The following LRP1B variants were observed in gnomAD, a reference collection of about 807,000 sequenced individuals.
LRP1B encodes low-density lipoprotein receptor-related protein 1B.
LRP1B carries 217 observed loss-of-function variants against 556.6 expected under a neutral mutation model. That is an observed-to-expected ratio of 0.39 (90% CI 0.35 to 0.44). The LOEUF is 0.44. Ranked by LOEUF, LRP1B falls within the 20% of genes least tolerant of loss-of-function variation. The pLI is 1.00. For missense variants in LRP1B, 5,053 were observed against 5,620.8 expected (o/e 0.90, Z 3.23); for synonymous variants, 2,047 against 1,865.8 (o/e 1.10, Z -2.50).
intron 59 of LRP1B, among the ~76,000 whole-genome samples, chr2:140,481,019 A>G (rs1014277764): frequency 6.6e-6 from 1 of 151,980 alleles, no homozygotes; most frequent in African/African-American, 2.4e-5. Flanking sequence ...GGCCTGTGTC[A>G]ACAGGCCTGG....
chr2:140,252,919 A>G (rs1187683738), intron 86 of LRP1B, among the ~76,000 whole-genome samples: 1 of 152,092 alleles, frequency 6.6e-6, no homozygotes, highest in Non-Finnish European at 1.5e-5. Flanking sequence ...AATTCATACA[A>G]TTTTGAACGT....
chr2:141,302,022 T>C (rs1474964183), intron 3 of LRP1B, among the ~76,000 whole-genome samples: 1 of 152,056 alleles, frequency 6.6e-6, no homozygotes. Context: ...AACAAAAAAT[T>C]ATATATACAT....
chr2:140,325,656 T>G (rs1212396130), intron 80 of LRP1B, 106 bp downstream of exon 80: 2 of 720,812 alleles, frequency 2.8e-6, no homozygotes, highest in Non-Finnish European at 4.4e-6. Context: ...AGAAAGAATT[T>G]AAGAAAATCC....
At chr2:140,626,507 G>C (rs1180240761) in intron 41 of LRP1B, among the ~76,000 whole-genome samples, 1 of 151,938 alleles carries the variant, frequency 6.6e-6, no homozygotes, top group East Asian at 1.9e-4. Context: ...ACTCAATTTT[G>C]CTGTGAACAT....
At chr2:141,284,887 T>A (rs1431359278) in intron 3 of LRP1B, among the ~76,000 whole-genome samples, 5 of 152,182 alleles carry the variant, frequency 3.3e-5, no homozygotes, top group African/African-American at 1.2e-4. Flanking sequence ...AATCAAGCAG[T>A]GTAAAATTAT....
rs770734703 is a variant in LRP1B, at chr2:141,254,675, T to C, written c.344-34A>G. On this transcript the variant is annotated intron_variant, in intron 3 of 90. Transcript: ENST00000389484. ...AAAAAACAAATATATTCTCTATATTTAACTGTATATGTAAATAGTTTGTAT... is the reference window on the plus strand; with the variant it reads ...AAAAAACAAATATATTCTCTATATTCAACTGTATATGTAAATAGTTTGTAT... 2.0e-6 allele frequency: 3 copies of C among 1,487,880 alleles called. No individual in the cohort carries two copies. In the East Asian group the frequency reaches 7.2e-5, roughly 35 times the overall value. The allele number at this position is 1,487,880 out of a possible 1,614,324, so 92.2% of individuals were successfully genotyped here.
At chr2:141,650,314 G>T (rs1170650570) in intron 2 of LRP1B, among the ~76,000 whole-genome samples, 1 of 152,180 alleles carries the variant, frequency 6.6e-6, no homozygotes, top group African/African-American at 2.4e-5. Context: ...CTACTTCTTT[G>T]TGAGTATGGT....
intron 1 of LRP1B, among the ~76,000 whole-genome samples, chr2:141,875,245 A>G (rs916171987): frequency 6.6e-6 from 1 of 151,746 alleles, no homozygotes; most frequent in Non-Finnish European, 1.5e-5. Flanking sequence ...CCTGGGCTGA[A>G]GTGATTCTCC....
intron 1 of LRP1B, among the ~76,000 whole-genome samples, chr2:142,026,710 A>G (rs1164414046): frequency 6.6e-6 from 1 of 152,072 alleles, no homozygotes. Context: ...GAACTTCGCT[A>G]TCTATGAATG....
chr2:141,176,923 C>T (rs1680762534), intron 7 of LRP1B, among the ~76,000 whole-genome samples: 1 of 152,054 alleles, frequency 6.6e-6, no homozygotes, highest in Admixed American at 6.6e-5. Context: ...GTTTCAGTTA[C>T]AGAGACAGAC....
chr2:140,453,254 T>A (rs1191924596), intron 62 of LRP1B, among the ~76,000 whole-genome samples: 1 of 151,962 alleles, frequency 6.6e-6, no homozygotes, highest in Non-Finnish European at 1.5e-5. Context: ...GCTCTTCTTT[T>A]GACTTTGAAA....
chr2:141,095,245 GCA>G (rs1268226266), intron 7 of LRP1B, among the ~76,000 whole-genome samples: 3 of 150,708 alleles, frequency 2.0e-5, no homozygotes, highest in African/African-American at 4.9e-5. Context: ...AGCACAAAAT[GCA>G]CAGACTCCCA....
chr2:140,413,007 G>A (rs1284244037), intron 66 of LRP1B, among the ~76,000 whole-genome samples: 2 of 151,996 alleles, frequency 1.3e-5, no homozygotes, highest in Non-Finnish European at 2.9e-5. Flanking sequence ...GGAAGTGTAA[G>A]GGTTTTTTAA....
chr2:140,748,209 T>C (rs909018476), intron 35 of LRP1B, among the ~76,000 whole-genome samples: 9 of 113,472 alleles, frequency 7.9e-5, no homozygotes, highest in Admixed American at 2.0e-4. Context: ...ATATATTATA[T>C]TCTTATATAT....
At chr2:141,368,052 T>C (rs752457969) in intron 3 of LRP1B, among the ~76,000 whole-genome samples, 2 of 152,222 alleles carry the variant, frequency 1.3e-5, no homozygotes, top group Non-Finnish European at 2.9e-5. Context: ...TTTTTAGATT[T>C]TTCCGTTTGC....
chr2:141,263,785 A>C, intron 3 of LRP1B, among the ~76,000 whole-genome samples: 2 of 152,294 alleles, frequency 1.3e-5, no homozygotes, highest in Admixed American at 1.3e-4. Flanking sequence ...GCAATATATA[A>C]AAGGATAATA....
intron 2 of LRP1B, among the ~76,000 whole-genome samples, chr2:141,742,447 T>C (rs1311291394): frequency 6.6e-6 from 1 of 151,912 alleles, no homozygotes; most frequent in African/African-American, 2.4e-5. Flanking sequence ...AGAGGCAGGG[T>C]ATCATCATTT....
At chr2:141,544,398 TCCTCCTCC>T (rs1559131633) in intron 2 of LRP1B, among the ~76,000 whole-genome samples, 2 of 116,540 alleles carry the variant, frequency 1.7e-5, no homozygotes, top group African/African-American at 5.9e-5. Context: ...CTCCTCCTCC[TCCTCCTCC>T]TCCTCCTTCT....
At chr2:141,902,204 G>A (rs116295802) in intron 1 of LRP1B, among the ~76,000 whole-genome samples, 6,908 of 151,408 alleles carry the variant, frequency 0.046, 188 homozygotes, top group Middle Eastern at 0.083. Flanking sequence ...ACTAAAAATA[G>A]CATTAGTTTC....
Sources: allele counts gnomAD v4.1 joint callset (sites outside exome capture counted in the v4.1 genomes callset), GRCh38; gene constraint gnomAD v4.1.1; transcripts MANE v1.5; gene names NCBI Gene and HGNC (gene_info 2026-07-23, HGNC 2026-07-21).